The following OR3A2 variants were observed in gnomAD, a reference collection of about 807,000 sequenced individuals.
OR3A2 encodes the protein olfactory receptor 3A2.
For missense variants in OR3A2, 318 were observed against 392.8 expected (o/e 0.81, Z 1.61); for synonymous variants, 126 against 159.3 (o/e 0.79, Z 1.57).
At chr17:3,363,927 G>A (rs748680851) in intron 2 of OR3A2, among the ~76,000 whole-genome samples, 1 of 152,172 alleles carries the variant, frequency 6.6e-6, no homozygotes, top group Non-Finnish European at 1.5e-5. Flanking sequence ...CAGATCTCAT[G>A]AGAACTCACT....
rs543237614 is a variant in OR3A2 at position 3,292,215 on chromosome 17, T to C, written c.-84-13062A>G. 5.0e-6 allele frequency: 8 copies of C among 1,613,972 alleles called. No homozygotes were observed. The African/African-American group carries it at 5.3e-5, about 11-fold the overall frequency. On this transcript the variant is annotated intron_variant, in intron 3 of 4. Coordinates refer to the OR3A2 transcript ENST00000573491. ...CCGGCAGATGGCCAGGAATCGGTCA[T>C]AGGCCATGGCGGTCAGCAGGAAGCA...
chr17:3,289,782 A>T lies in OR3A2; in HGVS notation c.-84-10629T>A, dbSNP rs550102994. Among the ~76,000 whole-genome samples the T allele has an allele frequency of 3.8e-4, 58 of 152,310 alleles. 1 individual carries two copies. The South Asian group carries it at 0.012, about 32-fold the overall frequency. The stretch of plus-strand genomic sequence containing the variant: ...GAATGAGAGAAGGGATGAGATGAGA[A>T]CCACATCCCAGGTCTTCCCCAACGG... On this transcript the variant is annotated intron_variant, in intron 3 of 4. Coordinates refer to the OR3A2 transcript ENST00000573491.
intron 3 of OR3A2, among the ~76,000 whole-genome samples, chr17:3,302,503 G>T (rs902738902): frequency 5.3e-5 from 8 of 152,186 alleles, no homozygotes; most frequent in African/African-American, 1.7e-4. Context: ...AATAAATGGT[G>T]CTGGGAAAAC....
At chr17:3,328,006 G>A (rs1281085710) in intron 3 of OR3A2, among the ~76,000 whole-genome samples, 1 of 136,492 alleles carries the variant, frequency 7.3e-6, no homozygotes, top group Non-Finnish European at 1.6e-5. Context: ...CTCCAGCTTT[G>A]TTCTTTTGGC....
At chr17:3,276,197 T>C (rs2048734211), downstream of OR3A2, among the ~76,000 whole-genome samples, 1 of 152,018 alleles carries the variant, frequency 6.6e-6, no homozygotes, top group African/African-American at 2.4e-5. Context: ...AGAGGTTTAA[T>C]GAAAGAAATT....
At chr17:3,305,447 A>T (rs1307080210) in intron 3 of OR3A2, among the ~76,000 whole-genome samples, 1 of 152,158 alleles carries the variant, frequency 6.6e-6, no homozygotes, top group Non-Finnish European at 1.5e-5. Flanking sequence ...TTTTGTCATG[A>T]GGTAACAAGG....
chr17:3,365,681 G>C (rs190353030), intron 2 of OR3A2, among the ~76,000 whole-genome samples: 1 of 152,216 alleles, frequency 6.6e-6, no homozygotes, highest in Non-Finnish European at 1.5e-5. Context: ...GCAGGGAAGA[G>C]AGGGATGGAG....
chr17:3,291,862 AG>A lies in OR3A2; in HGVS notation c.-84-12710del, dbSNP rs753758941. ...GTGAGGTGGGAGCCACATGTGGAGA[AG>A]GCTTTCTTCCTGCCCTCTACAGAGC... On this transcript the variant is annotated intron_variant, in intron 3 of 4. Coordinates refer to the OR3A2 transcript ENST00000573491. 1.9e-6 allele frequency: 3 copies of A among 1,614,036 alleles called. No individual in the cohort carries two copies. The South Asian group carries it at 3.3e-5, about 18-fold the overall frequency.
At chr17:3,370,892 A>G (rs2049610224) in intron 2 of OR3A2, among the ~76,000 whole-genome samples, 1 of 152,126 alleles carries the variant, frequency 6.6e-6, no homozygotes, top group African/African-American at 2.4e-5. Flanking sequence ...CCCTTAATCC[A>G]TTTAACCCTG....
At chr17:3,364,949 G>A (rs896469156) in intron 2 of OR3A2, among the ~76,000 whole-genome samples, 77 of 151,462 alleles carry the variant, frequency 5.1e-4, no homozygotes, top group Non-Finnish European at 2.9e-5. Flanking sequence ...ACAGGTCACT[G>A]TTACATTATT....
At chr17:3,324,427 G>C (rs2049153025) in intron 3 of OR3A2, among the ~76,000 whole-genome samples, 1 of 152,068 alleles carries the variant, frequency 6.6e-6, no homozygotes. Context: ...TGGAGGAGGA[G>C]AGGCACTCTG....
chr17:3,309,846 C>A (rs55751491), intron 3 of OR3A2: 1 of 169,976 alleles, frequency 5.9e-6, no homozygotes. Flanking sequence ...TATGACAGCA[C>A]GTGTATGCGG....
chr17:3,277,998 A>AT lies in OR3A2; in HGVS notation c.919dup (p.Ile307AsnfsTer24), dbSNP rs1413352613. On this transcript the variant is annotated frameshift_variant, in exon 2 of 2. Transcript: ENST00000642052. LOFTEE classifies it low-confidence loss of function (END_TRUNC). Reference sequence around the variant, plus strand: ...GGTCAGTGATCTCCTCCCCAAAAATATTTGCCACAGAGCACCCTGAACATC... The same window carrying AT: ...GGTCAGTGATCTCCTCCCCAAAAATATTTTGCCACAGAGCACCCTGAACATC... 1 of 1,599,984 alleles carries AT rather than the reference A, an allele frequency of 6.3e-7. No individual in the cohort carries two copies. The highest frequency in any genetic ancestry group is 1.3e-5 in the African/African-American group (1 of 74,638).
At chr17:3,380,499 GTTCT>G (rs2049725348) in intron 2 of OR3A2, among the ~76,000 whole-genome samples, 1 of 152,186 alleles carries the variant, frequency 6.6e-6, no homozygotes, top group Non-Finnish European at 1.5e-5. Context: ...AGAATGGTGA[GTTCT>G]TTGTCTTTGT....
intron 2 of OR3A2, among the ~76,000 whole-genome samples, chr17:3,354,037 TATG>T (rs1293204187): frequency 4.6e-5 from 7 of 151,754 alleles, no homozygotes; most frequent in Non-Finnish European, 8.8e-5. Flanking sequence ...CTCACTTAGT[TATG>T]ATGAGTAATT....
intron 3 of OR3A2, among the ~76,000 whole-genome samples, chr17:3,300,832 C>A (rs1431100347): frequency 9.4e-6 from 1 of 106,048 alleles, no homozygotes; most frequent in Admixed American, 1.1e-4. Context: ...CTAATGCTGT[C>A]CCTCCCCCCT....
chr17:3,361,377 TCC>T (rs2049514108), intron 2 of OR3A2, among the ~76,000 whole-genome samples: 1 of 151,626 alleles, frequency 6.6e-6, no homozygotes, highest in Admixed American at 6.6e-5. Context: ...CAATTTGACT[TCC>T]TCTTTTCCTA....
At chr17:3,280,324 T>A (rs1043372726) in intron 1 of OR3A2, among the ~76,000 whole-genome samples, 1 of 151,084 alleles carries the variant, frequency 6.6e-6, no homozygotes, top group Non-Finnish European at 1.5e-5. Flanking sequence ...CAGGCTGGAG[T>A]GCAGTGGCGC....
At chr17:3,310,406 C>A (rs143106535) in intron 3 of OR3A2, 120 of 535,120 alleles carry the variant, frequency 2.2e-4, no homozygotes, top group African/African-American at 1.9e-3. Flanking sequence ...TCCTCTTTGT[C>A]ATCTTCCTTC....
Sources: gnomAD v4.1 joint callset for allele counts (sites outside exome capture counted in the v4.1 genomes callset) on GRCh38, gnomAD v4.1.1 for gene constraint, MANE v1.5 for transcripts, NCBI Gene and HGNC (gene_info 2026-07-23, HGNC 2026-07-21) for gene names.